The following ACSBG1 variants were observed in gnomAD, a reference collection of about 807,000 sequenced individuals.
The protein encoded by ACSBG1 is acyl-CoA synthetase bubblegum family member 1, also known as long-chain-fatty-acid--CoA ligase ACSBG1.
ACSBG1 carries 39 observed loss-of-function variants against 80.2 expected under a neutral mutation model. The observed-to-expected ratio is 0.49, with a 90% CI of 0.38 to 0.64. The LOEUF is 0.64. Among genes scored for constraint, ACSBG1 ranks in the 30% least tolerant of loss-of-function variants. ACSBG1 has a pLI of 0.00. For missense variants in ACSBG1, 828 were observed against 966.4 expected (o/e 0.86, Z 1.90); for synonymous variants, 392 against 379.5 (o/e 1.03, Z -0.38).
At chr15:78,227,991 T>C (rs1170916532) in intron 1 of ACSBG1, among the ~76,000 whole-genome samples, 2 of 152,226 alleles carry the variant, frequency 1.3e-5, no homozygotes, top group African/African-American at 4.8e-5. Flanking sequence ...GATTGATTAA[T>C]TGACTAATCT....
At chr15:78,218,841 TCGC>T (rs1263867938) in intron 1 of ACSBG1, among the ~76,000 whole-genome samples, 3 of 38,932 alleles carry the variant, frequency 7.7e-5, no homozygotes, top group African/African-American at 1.7e-4. Context: ...TGACGGAGTA[TCGC>T]TGTGTTGCCT....
Position 78,219,364 on chromosome 15 carries a change from G to A in ACSBG1, c.132-11262C>T, listed in dbSNP as rs1252516855. Among the ~76,000 whole-genome samples the A allele has an allele frequency of 8.7e-5, 13 of 148,806 alleles. No individual in the cohort carries two copies. The South Asian group carries it at 2.1e-3, about 24-fold the overall frequency. On this transcript the variant is annotated intron_variant, in intron 1 of 13. Transcript: ENST00000258873. ...GGAGGTTGCAGTGAGCCGAGATTGT[G>A]CCACTGCATTCCAGCCTGGGTGACA...
At chr15:78,215,747 A>AAAGG (rs2075304690) in intron 1 of ACSBG1, among the ~76,000 whole-genome samples, 1 of 130,602 alleles carries the variant, frequency 7.7e-6, no homozygotes, top group Non-Finnish European at 1.8e-5. Flanking sequence ...AGAAAGAAAG[A>AAAGG]AAGAAAGAAA....
chr15:78,201,312 G>A (rs914203963), intron 2 of ACSBG1, among the ~76,000 whole-genome samples: 3 of 152,218 alleles, frequency 2.0e-5, no homozygotes, highest in African/African-American at 4.8e-5. Context: ...CAGTGACTGT[G>A]TGTCTAGAGG....
At position 78,180,919 on chromosome 15, in the gene ACSBG1, C is replaced by A. The variant is rs147846122; in HGVS notation, c.1089G>T (p.Thr363=). The A allele has an allele frequency of 1.4e-5, 23 of 1,613,932 alleles. No homozygotes were observed. The African/African-American group carries it at 2.1e-4, about 15-fold the overall frequency. Residue 363 remains threonine, a synonymous_variant, in exon 9 of 14, where the codon ACG becomes ACT. Coordinates refer to ENST00000258873, the MANE Select transcript of ACSBG1 (RefSeq NM_015162.5). ...PDALKGSLVN[T]LREVEPTSHM... ...GTGATGTGGGCTCCACCTCCCGCAG[C>A]GTGTTCACCAGGCTCCCCTGTTCAC...
intron 3 of ACSBG1, 57 bp from the exon 4 acceptor site, chr15:78,194,077 C>G: frequency 6.4e-7 from 1 of 1,554,604 alleles, no homozygotes; most frequent in Non-Finnish European, 8.9e-7. Context: ...GACCCTCATG[C>G]CCCTCTCAGA....
rs538606620 is a variant in ACSBG1 at position 78,217,855 on chromosome 15, C to T, written c.132-9753G>A. Among the ~76,000 whole-genome samples, 19 of 152,272 alleles carry T rather than the reference C, an allele frequency of 1.2e-4. No homozygotes were observed. The East Asian group carries it at 2.7e-3, about 22-fold the overall frequency. On this transcript the variant is annotated intron_variant, in intron 1 of 13. Coordinates refer to ENST00000258873, the MANE Select transcript of ACSBG1 (RefSeq NM_015162.5). The stretch of plus-strand genomic sequence containing the variant: ...TGCTGGGATTACAGGCGTGAGCCAC[C>T]GCACCCGGCCTGGAAAATGTTTTAT...
intron 2 of ACSBG1, among the ~76,000 whole-genome samples, chr15:78,198,355 T>G (rs1300563575): frequency 6.9e-6 from 1 of 144,592 alleles, no homozygotes; most frequent in Admixed American, 7.0e-5. Flanking sequence ...TAATCTCTTT[T>G]TTTGTTTTTG....
rs144974698 is a variant in ACSBG1, at chr15:78,179,776, G to A, written c.1258C>T (p.Leu420=). 1.8e-4 allele frequency: 285 copies of A among 1,611,728 alleles called. 1 individual carries two copies. The highest frequency in any genetic ancestry group is 5.3e-4 in the Admixed American group (32 of 59,938). Residue 420 remains leucine, a synonymous_variant, in exon 10 of 14, where the codon CTG becomes TTG. Coordinates refer to ENST00000258873, the MANE Select transcript of ACSBG1 (RefSeq NM_015162.5). ...EQNLTCPGSD[L]KPFTTRLADY... The stretch of plus-strand genomic sequence containing the variant: ...GCCAGTCTGGTTGTGAAGGGCTTCA[G>A]GTCGCTGGTGGGAGAGGGAGAATGG...
intron 1 of ACSBG1, among the ~76,000 whole-genome samples, chr15:78,211,947 T>C (rs12902247): frequency 0.51 from 78,291 of 152,098 alleles, 22,508 homozygotes; most frequent in East Asian, 0.65. Context: ...CCTCTGGCCA[T>C]GAGTACTTAC....
intron 11 of ACSBG1, chr15:78,174,889 G>A: frequency 3.2e-6 from 1 of 311,352 alleles, no homozygotes; most frequent in South Asian, 3.5e-5. Flanking sequence ...CACTCACACA[G>A]CACTCACCAC....
chr15:78,211,526 G>C (rs1203197148), intron 1 of ACSBG1, among the ~76,000 whole-genome samples: 1 of 152,222 alleles, frequency 6.6e-6, no homozygotes, highest in Non-Finnish European at 1.5e-5. Context: ...TCTGACCTCA[G>C]CTCACATAAG....
chr15:78,193,534 G>A lies in ACSBG1; in HGVS notation c.635C>T (p.Thr212Met), dbSNP rs750963555. 16 of 1,612,554 alleles carry A rather than the reference G, an allele frequency of 9.9e-6. No homozygotes were observed. The highest frequency in any genetic ancestry group is 6.7e-5 in the East Asian group (3 of 44,840). Residue 212 changes from threonine (T) to methionine (M), a missense_variant, in exon 5 of 14, where the codon ACG becomes ATG. Transcript: ENST00000258873. ...CAGGATCTTTTCCAGCTGCTTCTGC[G>A]TGTCGACCATGATGACATTGGCGCA... ...DCCANVIMVDTQKQLEKILKI... is the reference protein window; with the variant it reads ...DCCANVIMVDMQKQLEKILKI...
intron 2 of ACSBG1, among the ~76,000 whole-genome samples, chr15:78,202,037 G>T (rs976335562): frequency 6.6e-6 from 1 of 152,204 alleles, no homozygotes; most frequent in Non-Finnish European, 1.5e-5. Flanking sequence ...CAATGGGGTG[G>T]TGGAAGTCAC....
chr15:78,179,814 A>G (rs2074922831), intron 9 of ACSBG1, 34 bp from the exon 10 acceptor site: 1 of 1,172,932 alleles, frequency 8.5e-7, no homozygotes, highest in Non-Finnish European at 1.2e-6. Context: ...CACAGAAGAA[A>G]TCACACACAC....
intron 2 of ACSBG1, among the ~76,000 whole-genome samples, chr15:78,203,401 C>T (rs939965823): frequency 1.2e-4 from 19 of 152,370 alleles, no homozygotes; most frequent in African/African-American, 3.6e-4. Flanking sequence ...CCAGAAAGCT[C>T]GCTGCCTGCT....
intron 1 of ACSBG1, among the ~76,000 whole-genome samples, chr15:78,214,612 G>A (rs1056339866): frequency 6.6e-6 from 1 of 152,086 alleles, no homozygotes; most frequent in African/African-American, 2.4e-5. Context: ...GCTAATTTTT[G>A]TATTTTTAGT....
intron 10 of ACSBG1, 72 bp downstream of exon 10, chr15:78,179,478 A>C: frequency 7.1e-7 from 1 of 1,404,238 alleles, no homozygotes. Flanking sequence ...TCCCCAGGGC[A>C]CTCAGCAGGC....
In ACSBG1 at chr15:78,226,261, T is replaced by C. The variant is rs148808402; in HGVS notation, c.131+8110A>G. ...AAAAGAAATCCCACCACTTTTGCCA[T>C]ATTCTATGTTAGAAATGAATCACTA... is the stretch of plus-strand genomic sequence containing the variant. On this transcript the variant is annotated intron_variant, in intron 1 of 13. Transcript: ENST00000258873. Among the ~76,000 whole-genome samples, 51 of 152,324 alleles carry C rather than the reference T, an allele frequency of 3.3e-4. 2 individuals carry two copies. The East Asian group carries it at 8.9e-3, about 26-fold the overall frequency.
Sources: gnomAD v4.1 joint callset for allele counts (sites outside exome capture counted in the v4.1 genomes callset) on GRCh38, gnomAD v4.1.1 for gene constraint, MANE v1.5 for transcripts, NCBI Gene and HGNC (gene_info 2026-07-23, HGNC 2026-07-21) for gene names.